The following CSE1L variants were observed in gnomAD, a reference collection of about 807,000 sequenced individuals.
CSE1L encodes chromosome segregation 1 like.
A neutral mutation model predicts 120.4 loss-of-function variants in CSE1L; 24 were observed. The observed-to-expected ratio is 0.20, with a 90% confidence interval of 0.14 to 0.28. The LOEUF (loss-of-function observed/expected upper bound fraction) is 0.28. Ranked by LOEUF, CSE1L falls within the 10% of genes least tolerant of loss-of-function variation. The probability of loss-of-function intolerance (pLI) is 1.00; values close to 1 mark genes in which losing one functional copy is unlikely to be tolerated. For synonymous variants in CSE1L, 402 were observed against 398.3 expected (o/e 1.01, Z -0.11); for missense variants, 830 against 1,145.2 (o/e 0.72, Z 3.97).
chr20:49,069,879 G>A (rs2091919626), intron 7 of CSE1L, among the ~76,000 whole-genome samples: 1 of 152,220 alleles, frequency 6.6e-6, no homozygotes, highest in African/African-American at 2.4e-5. Flanking sequence ...ACGTAGTTCA[G>A]AAAAGAAAGG....
chr20:49,056,473 A>G (rs2091808075), intron 1 of CSE1L, among the ~76,000 whole-genome samples: 1 of 152,184 alleles, frequency 6.6e-6, no homozygotes, highest in Admixed American at 6.6e-5. Flanking sequence ...CTGTTTGGGA[A>G]ATGTTAGTAA....
At chr20:49,077,841 T>C (rs1379526238) in intron 13 of CSE1L, among the ~76,000 whole-genome samples, 3 of 152,034 alleles carry the variant, frequency 2.0e-5, no homozygotes, top group Admixed American at 2.0e-4. Context: ...CCGTCTCTAC[T>C]AAGAATACAA....
At chr20:49,093,160 C>T (rs2092114391) in intron 22 of CSE1L, among the ~76,000 whole-genome samples, 2 of 152,154 alleles carry the variant, frequency 1.3e-5, no homozygotes, top group Non-Finnish European at 2.9e-5. Context: ...GGAAAGGAGA[C>T]CAGAAAACAT....
chr20:49,093,650 C>T (rs544680652), intron 22 of CSE1L, among the ~76,000 whole-genome samples: 3 of 145,084 alleles, frequency 2.1e-5, no homozygotes, highest in African/African-American at 7.7e-5. Flanking sequence ...GGAATGGTGG[C>T]TCACGCCTGT....
At chr20:49,050,603 G>A (rs1432545567) in intron 1 of CSE1L, among the ~76,000 whole-genome samples, 1 of 151,396 alleles carries the variant, frequency 6.6e-6, no homozygotes, top group Non-Finnish European at 1.5e-5. Context: ...TAGAGACGGG[G>A]TTTCATCACA....
chr20:49,059,125 C>T (rs1458930708), intron 2 of CSE1L, among the ~76,000 whole-genome samples: 3 of 143,814 alleles, frequency 2.1e-5, no homozygotes, highest in South Asian at 2.2e-4. Context: ...AGCAAGACTC[C>T]GTCTCAAAAA....
At chr20:49,075,989 A>G (rs974954223) in intron 12 of CSE1L, among the ~76,000 whole-genome samples, 4 of 151,164 alleles carry the variant, frequency 2.6e-5, no homozygotes, top group Middle Eastern at 6.9e-3. Context: ...GCACTACCAC[A>G]CCTGGCTAAT....
chr20:49,068,007 A>G (rs906591258), intron 6 of CSE1L, among the ~76,000 whole-genome samples: 11 of 139,608 alleles, frequency 7.9e-5, no homozygotes, highest in African/African-American at 1.6e-4. Flanking sequence ...GGTTCAAGCA[A>G]TTCTCCGAGT....
chr20:49,061,798 C>T (rs1359903158), intron 2 of CSE1L, among the ~76,000 whole-genome samples: 1 of 152,034 alleles, frequency 6.6e-6, no homozygotes, highest in African/African-American at 2.4e-5. Flanking sequence ...CCACCGCACC[C>T]GGCAATTATT....
intron 17 of CSE1L, 92 bp downstream of exon 17, chr20:49,088,198 GAGA>G (rs1353406136): frequency 3.6e-6 from 3 of 838,212 alleles, no homozygotes; most frequent in Admixed American, 5.3e-5. Flanking sequence ...TGAAGCTTTA[GAGA>G]AGGTCTGTGA....
chr20:49,084,081 C>G lies in CSE1L; in HGVS notation c.1538C>G (p.Ala513Gly), dbSNP rs2092034789. The G allele has an allele frequency of 6.2e-7, 1 of 1,613,948 alleles. No individual in the cohort carries two copies. The highest frequency in any genetic ancestry group is 8.5e-7 in the Non-Finnish European group (1 of 1,179,870). Reference sequence around the variant, plus strand: ...CCTCTCTTGATTAATCATCTTCAAGCTGAAAGTATTGTTGTTCATACTTAC... The same window carrying G: ...CCTCTCTTGATTAATCATCTTCAAGGTGAAAGTATTGTTGTTCATACTTAC... ...SIPLLINHLQ[A>G]ESIVVHTYAA... Residue 513 changes from alanine to glycine, a missense_variant, in exon 15 of 25, where the codon GCT becomes GGT. Transcript: ENST00000262982.
intron 1 of CSE1L, among the ~76,000 whole-genome samples, chr20:49,055,129 T>A (rs2091796454): frequency 6.6e-6 from 1 of 152,234 alleles, no homozygotes; most frequent in Non-Finnish European, 1.5e-5. Flanking sequence ...GGGCTTGGGG[T>A]AGCACCCTGT....
chr20:49,069,976 G>A (rs949073272), intron 7 of CSE1L, among the ~76,000 whole-genome samples: 1 of 152,200 alleles, frequency 6.6e-6, no homozygotes, highest in Admixed American at 6.5e-5. Context: ...ATTTAGATTA[G>A]GATGAGAACT....
In CSE1L at chr20:49,095,273, G is replaced by T. The variant is rs2092131083; in HGVS notation, c.2826+310G>T. ...CTTTATAATAAGAGTTTATTTCCCA[G>T]ATCGAAGTAATCCATCTATTATTAA... On this transcript the variant is annotated intron_variant, in intron 24 of 24. Transcript: ENST00000262982. 2.2e-5 allele frequency: 7 copies of T among 316,324 alleles called. No individual in the cohort carries two copies. In the South Asian group the frequency reaches 2.9e-4, roughly 13 times the overall value. The allele number at this position is 316,324 out of a possible 1,614,324, so 19.6% of individuals were successfully genotyped here.
chr20:49,054,313 G>A (rs990840295), intron 1 of CSE1L, among the ~76,000 whole-genome samples: 5 of 152,190 alleles, frequency 3.3e-5, no homozygotes, highest in East Asian at 3.8e-4. Context: ...CTGTTGGGGA[G>A]TGCCCTGCAT....
chr20:49,046,671 G>T (rs563758673), intron 1 of CSE1L, among the ~76,000 whole-genome samples: 3 of 152,364 alleles, frequency 2.0e-5, no homozygotes, highest in Admixed American at 6.5e-5. Flanking sequence ...GGCCTGTGAG[G>T]GCTGAGGGCA....
intron 1 of CSE1L, among the ~76,000 whole-genome samples, chr20:49,047,564 CT>C (rs59986218): frequency 0.016 from 1,135 of 69,620 alleles, 2 homozygotes; most frequent in African/African-American, 0.066. Context: ...TTTCTCTTTT[CT>C]TTTTTTTTTT....
rs1008103732 is a variant in CSE1L, at chr20:49,067,011, G to T, written c.477-179G>T. ...CAAACCACTGCACTCCAGCCTGGGC[G>T]ACAGAGCGAGACTCCGTCTCAAAAA... On this transcript the variant is annotated intron_variant, in intron 5 of 24. Transcript: ENST00000262982. Among the ~76,000 whole-genome samples the T allele has an allele frequency of 6.6e-5, 8 of 121,640 alleles. No homozygotes were observed. The Admixed American group carries it at 6.9e-4, about 10-fold the overall frequency. 79.8% of individuals were successfully genotyped at this position (121,640 alleles called of 152,430 possible).
intron 17 of CSE1L, among the ~76,000 whole-genome samples, chr20:49,088,959 T>C (rs1538482): frequency 0.35 from 52,528 of 151,988 alleles, 10,061 homozygotes; most frequent in African/African-American, 0.52. Flanking sequence ...GCTAGTGGCA[T>C]TACTAGGACT....
Sources: gnomAD v4.1 joint callset for allele counts (sites outside exome capture counted in the v4.1 genomes callset) on GRCh38, gnomAD v4.1.1 for gene constraint, MANE v1.5 for transcripts, NCBI Gene and HGNC (gene_info 2026-07-23, HGNC 2026-07-21) for gene names.